The following BCL11A variants were observed in gnomAD, a reference collection of about 807,000 sequenced individuals.
BCL11A encodes the protein BCL11 transcription factor A.
In BCL11A, 2 loss-of-function variants were observed where a neutral mutation model predicts 55.9. That is an observed-to-expected ratio of 0.04 (90% confidence interval 0.01 to 0.11). BCL11A has a LOEUF of 0.11. Ranked by LOEUF, BCL11A falls within the 10% of genes least tolerant of loss-of-function variation. The probability of loss-of-function intolerance (pLI) is 1.00; values close to 1 mark genes in which losing one functional copy is unlikely to be tolerated. For synonymous variants in BCL11A, 465 were observed against 473.4 expected (o/e 0.98, Z 0.23); for missense variants, 817 against 1,137.1 (o/e 0.72, Z 4.05).
At chr2:60,520,903 T>C (rs1437328512) in intron 2 of BCL11A, among the ~76,000 whole-genome samples, 9 of 152,124 alleles carry the variant, frequency 5.9e-5, no homozygotes, top group South Asian at 2.1e-4. Context: ...AAAAAAGATA[T>C]TGATGTGCCA....
chr2:60,460,745 G>C lies in BCL11A; in HGVS notation c.2167C>G (p.Pro723Ala). The C allele has an allele frequency of 2.5e-6, 4 of 1,614,058 alleles. No homozygotes were observed. Among genetic ancestry groups the C allele is most frequent in the Non-Finnish European group, 3.4e-6 (4 of 1,180,048 alleles). The stretch of plus-strand genomic sequence containing the variant: ...CCCGGGCCCGGACCACTAATATGGG[G>C]CGTGCTCCCTCCACTTCCCGTGCCG... The part of the protein sequence containing the change: ...RSGTGSGGST[P>A]HISGPGPGRP... Residue 723 changes from proline (P) to alanine (A), a missense_variant, in exon 4 of 4, where the codon CCC becomes GCC. By Grantham distance (27) the Pro-to-Ala change is conservative. Coordinates refer to ENST00000642384, the MANE Select transcript of BCL11A (RefSeq NM_022893.4).
At chr2:60,521,762 T>C (rs1669006840) in intron 2 of BCL11A, among the ~76,000 whole-genome samples, 1 of 152,170 alleles carries the variant, frequency 6.6e-6, no homozygotes, top group Admixed American at 6.5e-5. Flanking sequence ...CTTGTCTTCA[T>C]AACACTACCA....
At chr2:60,456,223 T>C (rs1049670471), downstream of BCL11A, among the ~76,000 whole-genome samples, 1 of 152,216 alleles carries the variant, frequency 6.6e-6, no homozygotes, top group African/African-American at 2.4e-5. Context: ...GCTTTTGTTT[T>C]GGTTTTTTAC....
intron 1 of BCL11A, among the ~76,000 whole-genome samples, chr2:60,550,565 C>CG (rs1357409694): frequency 1.1e-4 from 11 of 100,858 alleles, no homozygotes; most frequent in Non-Finnish European, 1.5e-4. Flanking sequence ...AGGCGGGGGG[C>CG]GGGGGGGTGG....
At chr2:60,513,423 G>A (rs955761648) in intron 2 of BCL11A, among the ~76,000 whole-genome samples, 12 of 152,192 alleles carry the variant, frequency 7.9e-5, no homozygotes, top group Admixed American at 7.2e-4. Context: ...GCTGTCCACA[G>A]CAGAAACCAG....
chr2:60,475,368 C>T (rs548643971), intron 2 of BCL11A, among the ~76,000 whole-genome samples: 26 of 152,300 alleles, frequency 1.7e-4, no homozygotes, highest in Non-Finnish European at 3.8e-4. Context: ...ATTGTTTCTT[C>T]CCCCAATGAA....
At chr2:60,506,549 G>C (rs1282897607) in intron 2 of BCL11A, among the ~76,000 whole-genome samples, 1 of 152,244 alleles carries the variant, frequency 6.6e-6, no homozygotes, top group African/African-American at 2.4e-5. Flanking sequence ...CTGGCATGCT[G>C]AGTCCAGGAA....
chr2:60,468,086 G>T (rs1179532332), intron 3 of BCL11A, among the ~76,000 whole-genome samples: 4 of 141,874 alleles, frequency 2.8e-5, no homozygotes, highest in Admixed American at 2.8e-4. Flanking sequence ...GATGGTGGTG[G>T]TTGTGGTGGT....
At chr2:60,455,648 TTCTG>T (rs965278090), downstream of BCL11A, among the ~76,000 whole-genome samples, 7 of 152,338 alleles carry the variant, frequency 4.6e-5, no homozygotes, top group East Asian at 3.9e-4. Context: ...CCACCATTAA[TTCTG>T]TCTGTCAGGA....
chr2:60,549,739 A>G (rs1010445310), intron 1 of BCL11A: 1 of 152,288 alleles, frequency 6.6e-6, no homozygotes, highest in Non-Finnish European at 1.5e-5. Context: ...AGTTGGTGAA[A>G]AAGGAAGTGA....
chr2:60,539,366 C>A (rs58584585), intron 2 of BCL11A, among the ~76,000 whole-genome samples: 1 of 152,228 alleles, frequency 6.6e-6, no homozygotes, highest in Non-Finnish European at 1.5e-5. Flanking sequence ...TCACCACCCC[C>A]CATGCCTCAA....
At chr2:60,549,332 G>A (rs757282294) in intron 1 of BCL11A, among the ~76,000 whole-genome samples, 2 of 152,222 alleles carry the variant, frequency 1.3e-5, no homozygotes, top group Non-Finnish European at 2.9e-5. Flanking sequence ...GGGAGCGGAG[G>A]GGGAGGGGGA....
chr2:60,496,746 CT>C, intron 2 of BCL11A: 1 of 151,962 alleles, frequency 6.6e-6, no homozygotes, highest in Non-Finnish European at 1.5e-5. Context: ...ACCAGGTAGC[CT>C]TTCCCACTCT....
chr2:60,471,770 T>C (rs1165097803), intron 2 of BCL11A, among the ~76,000 whole-genome samples: 1 of 152,170 alleles, frequency 6.6e-6, no homozygotes, highest in Non-Finnish European at 1.5e-5. Context: ...CTTAGGCAAG[T>C]GATTCTCACA....
At chr2:60,477,055 C>A (rs1677649209) in intron 2 of BCL11A, among the ~76,000 whole-genome samples, 6 of 152,142 alleles carry the variant, frequency 3.9e-5, no homozygotes, top group Admixed American at 3.3e-4. Flanking sequence ...TGCCTCCCTG[C>A]CCCACTCGAG....
At position 60,468,824 on chromosome 2, in the gene BCL11A, A is replaced by C. The variant is rs764588131; in HGVS notation, c.395T>G (p.Leu132Arg). 1 of 1,607,198 alleles carries C rather than the reference A, an allele frequency of 6.2e-7. No homozygotes were observed. Among genetic ancestry groups the C allele is most frequent in the Non-Finnish European group, 8.5e-7 (1 of 1,178,084 alleles). Residue 132 changes from leucine (L) to arginine (R), a missense_variant, in exon 3 of 4, where the codon CTG becomes CGG. By Grantham distance (102) the Leu-to-Arg change is moderately radical. Around this residue, in one of 4 missense-constraint regions of BCL11A, gnomAD observed 363 missense variants for 486.6 expected, o/e 0.75. Coordinates refer to ENST00000642384, the MANE Select transcript of BCL11A (RefSeq NM_022893.4). ...PKQEHIADKL[L>R]HWRGLSSPRS... ...AGGGGAGGAGAGGCCCCTCCAGTGC[A>C]GAAGTTTATCTGTGAAAGAAACCCA...
intron 1 of BCL11A, among the ~76,000 whole-genome samples, chr2:60,551,559 A>G (rs910815431): frequency 1.3e-5 from 2 of 152,224 alleles, no homozygotes; most frequent in African/African-American, 4.8e-5. Flanking sequence ...GAGACGTCTG[A>G]GAAAGTACCC....
At chr2:60,511,117 T>C (rs1679961054) in intron 2 of BCL11A, among the ~76,000 whole-genome samples, 1 of 152,192 alleles carries the variant, frequency 6.6e-6, no homozygotes, top group African/African-American at 2.4e-5. Flanking sequence ...GCAGGGGCAC[T>C]GGCCAGGCAC....
chr2:60,514,135 G>A (rs927366394), intron 2 of BCL11A, among the ~76,000 whole-genome samples: 3 of 152,224 alleles, frequency 2.0e-5, no homozygotes, highest in Non-Finnish European at 4.4e-5. Flanking sequence ...AGTGCTCCAA[G>A]CACTCTCTGA....
Sources: allele counts gnomAD v4.1 joint callset (sites outside exome capture counted in the v4.1 genomes callset), GRCh38; gene constraint gnomAD v4.1.1; regional missense constraint gnomAD v4.1.1; transcripts MANE v1.5; gene names NCBI Gene and HGNC (gene_info 2026-07-23, HGNC 2026-07-21).